The following SEC22A variants were observed in gnomAD, a reference collection of about 807,000 sequenced individuals.
SEC22A encodes vesicle-trafficking protein SEC22a.
SEC22A carries 22 observed loss-of-function variants against 35.3 expected under a neutral mutation model. The ratio of observed to expected loss-of-function variants is 0.62; its 90% CI spans 0.45 to 0.89. The LOEUF is 0.89. Ranked by LOEUF, SEC22A falls within the 40% of genes least tolerant of loss-of-function variation. The probability of loss-of-function intolerance (pLI) is 0.00; values close to 1 mark genes in which losing one functional copy is unlikely to be tolerated. For missense variants in SEC22A, 354 were observed against 362.5 expected, an observed-to-expected ratio of 0.98 and a Z score of 0.19; for synonymous variants, 119 against 129.5, an observed-to-expected ratio of 0.92 and a Z score of 0.55.
chr3:123,272,163 CTG>C lies in SEC22A; in HGVS notation c.*444_*445del, dbSNP rs1559767358. The C allele has an allele frequency of 1.9e-5, 3 of 156,842 alleles. No individual in the cohort carries two copies. In the South Asian group the frequency reaches 5.9e-4, roughly 31 times the overall value. The allele number at this position is 156,842 out of a possible 1,614,324, so 9.7% of individuals were successfully genotyped here. A position where few individuals can be genotyped will look rare whatever the true frequency, so the allele number is the denominator to read the frequency against. On this transcript the variant is annotated 3_prime_UTR_variant, in exon 7 of 7. Transcript: ENST00000492595. ...GAAAGTTTATGTTTTAAATAAATGA[CTG>C]TGATAAATATCAGATTATTTGCACA...
chr3:123,239,283 AT>A (rs1005040220), intron 4 of SEC22A, among the ~76,000 whole-genome samples: 1 of 151,794 alleles, frequency 6.6e-6, no homozygotes, highest in African/African-American at 2.4e-5. Flanking sequence ...AAAAACTTTT[AT>A]TTTTTTTCCA....
chr3:123,215,302 T>TA (rs1299602749), intron 2 of SEC22A, among the ~76,000 whole-genome samples: 3 of 152,220 alleles, frequency 2.0e-5, no homozygotes, highest in Non-Finnish European at 4.4e-5. Flanking sequence ...TGCAGATAGA[T>TA]ACTCTCTACG....
intron 5 of SEC22A, among the ~76,000 whole-genome samples, chr3:123,252,016 C>G (rs974948906): frequency 6.6e-6 from 1 of 152,146 alleles, no homozygotes; most frequent in African/African-American, 2.4e-5. Context: ...GAGGTTTAAA[C>G]CAGATAGGTT....
intron 4 of SEC22A, chr3:123,243,923 G>A (rs1299377806): frequency 1.3e-5 from 2 of 152,144 alleles, no homozygotes; most frequent in Non-Finnish European, 2.9e-5. Flanking sequence ...CTTTATAGGA[G>A]AAGGCAATAA....
intron 5 of SEC22A, among the ~76,000 whole-genome samples, chr3:123,255,269 C>CGTTTT (rs753495813): frequency 5.1e-4 from 78 of 152,044 alleles, no homozygotes; most frequent in Non-Finnish European, 5.0e-4. Context: ...TGTTTTCTCC[C>CGTTTT]GTTTTGTTTT....
Position 123,225,145 on chromosome 3 carries a change from G to A in SEC22A, c.389G>A (p.Arg130Lys). The change falls in exon 4 of 7, where the codon AGG becomes AAG. Residue 130 changes from arginine to lysine, a missense_variant. Physicochemically the swap from Arg to Lys is conservative, Grantham distance 26 (BLOSUM62 2). Coordinates refer to ENST00000492595, the MANE Select transcript of SEC22A (RefSeq NM_012430.5). ...QRTKQRYNNPRSLSTKINLSD... is the reference protein window; with the variant it reads ...QRTKQRYNNPKSLSTKINLSD... The stretch of plus-strand genomic sequence containing the variant: ...ACCAAGCAGCGATATAATAATCCCA[G>A]GTCTCTTTCAACAAAGATAAATCTT... The A allele has an allele frequency of 6.2e-7, 1 of 1,613,226 alleles. No individual in the cohort carries two copies. Among genetic ancestry groups the A allele is most frequent in the Non-Finnish European group, 8.5e-7 (1 of 1,179,434 alleles).
intron 6 of SEC22A, among the ~76,000 whole-genome samples, chr3:123,267,997 C>T (rs181245474): frequency 4.6e-5 from 7 of 152,256 alleles, no homozygotes; most frequent in Admixed American, 2.0e-4. Flanking sequence ...CAGAGTCCCA[C>T]GTGTTCTCCA....
chr3:123,262,450 G>A (rs1213173371), intron 6 of SEC22A, among the ~76,000 whole-genome samples: 2 of 152,188 alleles, frequency 1.3e-5, no homozygotes, highest in Non-Finnish European at 2.9e-5. Flanking sequence ...CATATAGCGT[G>A]TATAAACACA....
intron 4 of SEC22A, among the ~76,000 whole-genome samples, chr3:123,232,816 A>G (rs1365823684): frequency 6.6e-6 from 1 of 152,206 alleles, no homozygotes; most frequent in Non-Finnish European, 1.5e-5. Flanking sequence ...GCAAAATACA[A>G]GCAAACCCAA....
rs763126503 is a variant in SEC22A, at chr3:123,223,734, A to AT, written c.346+21dup. ...TTTCATTGAATTTGGTAAGGGCCTG[A>AT]TTTTTTTTTCCTTTTTATTCTGTCT... On this transcript the variant is annotated intron_variant, in intron 3 of 6. Transcript: ENST00000492595. 579 of 1,588,736 alleles carry AT rather than the reference A, an allele frequency of 3.6e-4. No individual in the cohort carries two copies. The highest frequency in any genetic ancestry group is 3.9e-4 in the South Asian group (35 of 88,690).
intron 6 of SEC22A, among the ~76,000 whole-genome samples, chr3:123,266,252 G>GT (rs139345076): frequency 0.2 from 29,781 of 151,582 alleles, 3,032 homozygotes; most frequent in Middle Eastern, 0.27. Context: ...TTGTTTTATT[G>GT]TTTTTTCCTA....
intron 4 of SEC22A, among the ~76,000 whole-genome samples, chr3:123,242,259 A>G (rs1937530815): frequency 6.6e-6 from 1 of 152,076 alleles, no homozygotes; most frequent in Admixed American, 6.6e-5. Context: ...TCCATTCTTC[A>G]GTTGCTTGTT....
chr3:123,253,311 T>C (rs150124754), intron 5 of SEC22A, among the ~76,000 whole-genome samples: 26 of 152,304 alleles, frequency 1.7e-4, no homozygotes, highest in African/African-American at 5.8e-4. Flanking sequence ...ATCTAAGATT[T>C]CTCGGATTCT....
Position 123,205,050 on chromosome 3 carries a change from A to T in SEC22A, c.-20+3064A>T, listed in dbSNP as rs527477497. ...AGCACAGTCCAGATAAGATTAGTTTAAAAAAAAACAAACTATATTATGAAT... is the reference window on the plus strand; with the variant it reads ...AGCACAGTCCAGATAAGATTAGTTTTAAAAAAAACAAACTATATTATGAAT... On this transcript the variant is annotated intron_variant, in intron 1 of 6. Coordinates refer to ENST00000492595, the MANE Select transcript of SEC22A (RefSeq NM_012430.5). Among the ~76,000 whole-genome samples the T allele has an allele frequency of 6.7e-3, 654 of 98,230 alleles. 2 individuals carry two copies. The highest frequency in any genetic ancestry group is 0.01 in the Non-Finnish European group (457 of 45,088). 64.4% of individuals were successfully genotyped at this position (98,230 alleles called of 152,430 possible).
intron 5 of SEC22A, among the ~76,000 whole-genome samples, chr3:123,258,155 A>G (rs1937784511): frequency 6.6e-6 from 1 of 152,154 alleles, no homozygotes; most frequent in Admixed American, 6.5e-5. Flanking sequence ...CGTGTGGTTG[A>G]GGAATATTTA....
chr3:123,206,585 T>C (rs12695430), intron 1 of SEC22A, among the ~76,000 whole-genome samples: 2 of 151,154 alleles, frequency 1.3e-5, no homozygotes, highest in Admixed American at 6.6e-5. Context: ...AATAATTAAG[T>C]AAAACATGGT....
chr3:123,226,134 G>C (rs1937214629), intron 4 of SEC22A, among the ~76,000 whole-genome samples: 1 of 152,168 alleles, frequency 6.6e-6, no homozygotes, highest in Non-Finnish European at 1.5e-5. Flanking sequence ...GGTCTTACCT[G>C]TTGTGAATAT....
At chr3:123,226,246 T>C (rs909581848) in intron 4 of SEC22A, among the ~76,000 whole-genome samples, 7 of 152,198 alleles carry the variant, frequency 4.6e-5, no homozygotes, top group African/African-American at 2.4e-5. Flanking sequence ...ATGATAGTTC[T>C]CTTTTTAGTT....
rs1937635862 is a variant in SEC22A at position 123,253,180 on chromosome 3, A to G, written c.658-6344A>G. Among the ~76,000 whole-genome samples, 3 of 152,194 alleles carry G rather than the reference A, an allele frequency of 2.0e-5. No individual in the cohort carries two copies. In the South Asian group the frequency reaches 6.2e-4, roughly 32 times the overall value. ...TTAAGATACCTGGGTCCCATCTGCC[A>G]GTAACTTTGTGACCCTGCATGGGTT... On this transcript the variant is annotated intron_variant, in intron 5 of 6. Transcript: ENST00000492595.
Sources: allele counts gnomAD v4.1 joint callset (sites outside exome capture counted in the v4.1 genomes callset), GRCh38; gene constraint gnomAD v4.1.1; transcripts MANE v1.5; gene names NCBI Gene and HGNC (gene_info 2026-07-23, HGNC 2026-07-21).